Variants in OR7C1 observed in about 807,000 individuals in gnomAD.
OR7C1 encodes olfactory receptor 7C1.
For missense variants in OR7C1, 324 were observed against 383.3 expected (o/e 0.85, Z 1.29); for synonymous variants, 152 against 160.7 (o/e 0.95, Z 0.41).
intron 1 of OR7C1, among the ~76,000 whole-genome samples, chr19:14,820,540 A>C (rs2044735982): frequency 6.6e-6 from 1 of 152,080 alleles, no homozygotes; most frequent in South Asian, 2.1e-4. Context: ...CGTTCTGCAC[A>C]TGTATCCCAG....
chr19:14,799,470 A>G (rs200180942), exon 5 of OR7C1: 1 of 1,614,224 alleles, frequency 6.2e-7, no homozygotes, highest in Non-Finnish European at 8.5e-7. Flanking sequence ...AGTATAGAGA[A>G]AACAATTTTA....
intron 1 of OR7C1, among the ~76,000 whole-genome samples, chr19:14,830,600 T>C (rs149350105): frequency 2.9e-4 from 44 of 152,338 alleles, no homozygotes; most frequent in Admixed American, 7.2e-4. Flanking sequence ...CTGACATCTT[T>C]ATTGACTTCA....
chr19:14,832,529 C>T lies in OR7C1; in HGVS notation c.-623+2545G>A, dbSNP rs910241126. On this transcript the variant is annotated intron_variant, in intron 1 of 4. Transcript: ENST00000641666. The stretch of plus-strand genomic sequence containing the variant: ...GCAACCTCCGCCTCCTGGGTTCAAG[C>T]GATTCTCCTGCCTCAACCTCCCAAG... Among the ~76,000 whole-genome samples, 9 of 151,504 alleles carry T rather than the reference C, an allele frequency of 5.9e-5. No homozygotes were observed. The East Asian group carries it at 9.7e-4, about 16-fold the overall frequency.
chr19:14,812,631 C>A (rs1298613399), intron 1 of OR7C1, among the ~76,000 whole-genome samples: 1 of 151,686 alleles, frequency 6.6e-6, no homozygotes, highest in African/African-American at 2.4e-5. Context: ...AAGACGCTAG[C>A]CTGCCGATGC....
Position 14,822,639 on chromosome 19 carries a change from C to T in OR7C1, c.-623+12435G>A, listed in dbSNP as rs149857826. Among the ~76,000 whole-genome samples the T allele has an allele frequency of 9.2e-4, 140 of 152,206 alleles. No homozygotes were observed. The East Asian group carries it at 0.024, about 26-fold the overall frequency. ...CCTCGTGATCCACCCGCCTCAGCCT[C>T]CCAAAGTGCTGGGATTACAGGCATG... On this transcript the variant is annotated intron_variant, in intron 1 of 4. Coordinates refer to ENST00000641666, the Ensembl canonical transcript of OR7C1.
rs373792173 is a variant in OR7C1 at position 14,818,155 on chromosome 19, C to T, written c.-622-8162G>A. ...CCTAGACTGGAGCGCAGTAGTGGCA[C>T]GATCTCGGCTCACTGCAAGCTCCGC... On this transcript the variant is annotated intron_variant, in intron 1 of 4. Coordinates refer to ENST00000641666, the Ensembl canonical transcript of OR7C1. 1.1e-4 allele frequency among the ~76,000 whole-genome samples: 16 copies of T among 151,764 alleles called. No individual in the cohort carries two copies. The East Asian group carries it at 2.9e-3, about 28-fold the overall frequency.
intron 1 of OR7C1, among the ~76,000 whole-genome samples, chr19:14,813,492 T>C (rs368871416): frequency 6.6e-6 from 1 of 152,068 alleles, no homozygotes; most frequent in Non-Finnish European, 1.5e-5. Flanking sequence ...GAGGTGGAGC[T>C]TGCAGTGAGC....
At chr19:14,811,265 A>G (rs1374255228) in intron 1 of OR7C1, among the ~76,000 whole-genome samples, 3 of 151,892 alleles carry the variant, frequency 2.0e-5, no homozygotes, top group Non-Finnish European at 4.4e-5. Context: ...AGGTGCAAGA[A>G]GGGCCAGGCT....
intron 1 of OR7C1, among the ~76,000 whole-genome samples, chr19:14,810,483 C>T (rs1346543772): frequency 6.6e-6 from 1 of 151,694 alleles, no homozygotes; most frequent in East Asian, 1.9e-4. Flanking sequence ...GGGTTCACAC[C>T]ATTCTCCTGC....
In OR7C1 at chr19:14,825,660, A is replaced by G. The variant is rs1224604547; in HGVS notation, c.-623+9414T>C. 3.3e-5 allele frequency: 5 copies of G among 152,260 alleles called. No homozygotes were observed. In the East Asian group the frequency reaches 9.6e-4, roughly 29 times the overall value. 9.4% of individuals were successfully genotyped at this position (152,260 alleles called of 1,614,324 possible). On this transcript the variant is annotated intron_variant, in intron 1 of 4. Transcript: ENST00000641666. ...TAAAGCCATGTTAAGACAGTTGGCA[A>G]GCTGTCCCAACTGTGGCCACCCTAG...
chr19:14,808,527 C>G (rs1043370515), intron 2 of OR7C1, among the ~76,000 whole-genome samples: 6 of 145,572 alleles, frequency 4.1e-5, no homozygotes, highest in African/African-American at 1.5e-4. Context: ...AACAGAAAAT[C>G]AAATACCATA....
intron 1 of OR7C1, among the ~76,000 whole-genome samples, chr19:14,829,968 T>C (rs1382246901): frequency 6.6e-6 from 1 of 152,152 alleles, no homozygotes; most frequent in Non-Finnish European, 1.5e-5. Context: ...GCTCAAGCCA[T>C]CCTCCTGCCT....
intron 1 of OR7C1, among the ~76,000 whole-genome samples, chr19:14,816,792 G>A (rs1480863999): frequency 1.3e-5 from 2 of 152,154 alleles, no homozygotes; most frequent in Non-Finnish European, 2.9e-5. Flanking sequence ...CTAATAGAAG[G>A]TGCTAGGAGG....
chr19:14,823,709 A>G (rs574816182), intron 1 of OR7C1, among the ~76,000 whole-genome samples: 2 of 152,332 alleles, frequency 1.3e-5, no homozygotes, highest in East Asian at 1.9e-4. Flanking sequence ...AAGTGAGAAC[A>G]TGCAGTATTT....
chr19:14,814,226 C>G (rs981853654), intron 1 of OR7C1, among the ~76,000 whole-genome samples: 3 of 152,132 alleles, frequency 2.0e-5, no homozygotes, highest in African/African-American at 7.2e-5. Flanking sequence ...AAGCAATGAG[C>G]AGAGTGAAAA....
intron 2 of OR7C1, among the ~76,000 whole-genome samples, chr19:14,801,980 G>A (rs1055001884): frequency 6.6e-6 from 1 of 152,106 alleles, no homozygotes; most frequent in Admixed American, 6.5e-5. Context: ...ATGAGATTTG[G>A]GTGGGGACAC....
intron 1 of OR7C1, among the ~76,000 whole-genome samples, chr19:14,821,124 G>C (rs1307465671): frequency 1.3e-5 from 2 of 152,178 alleles, no homozygotes; most frequent in Non-Finnish European, 2.9e-5. Context: ...TGTAATCCCA[G>C]CTACTTGGGA....
At chr19:14,827,166 CACA>C in intron 1 of OR7C1, 1 of 1,107,394 alleles carries the variant, frequency 9.0e-7, no homozygotes, top group Non-Finnish European at 1.2e-6. Context: ...CAGTTGAAAT[CACA>C]ACAAATTGAA....
chr19:14,829,364 C>T (rs932448244), intron 1 of OR7C1, among the ~76,000 whole-genome samples: 2 of 152,120 alleles, frequency 1.3e-5, no homozygotes, highest in Non-Finnish European at 2.9e-5. Flanking sequence ...CCACCACGCC[C>T]AGCTAATTTT....
Sources: gnomAD v4.1 joint callset for allele counts (sites outside exome capture counted in the v4.1 genomes callset) on GRCh38, gnomAD v4.1.1 for gene constraint, MANE v1.5 for transcripts, NCBI Gene and HGNC (gene_info 2026-07-23, HGNC 2026-07-21) for gene names.